PCDHA9: variants seen among roughly 807,000 people sequenced by gnomAD.
PCDHA9 encodes the protein protocadherin alpha 9.
In PCDHA9, 62 loss-of-function variants were observed where a neutral mutation model predicts 62.0. The observed-to-expected ratio is 1.00, with a 90% CI of 0.81 to 1.23. The LOEUF is 1.23. Among genes scored for constraint, PCDHA9 ranks in the 50% most tolerant of loss-of-function variants. The pLI is 0.00. For missense variants in PCDHA9, 1,205 were observed against 1,249.8 expected (o/e 0.96, Z 0.54); for synonymous variants, 557 against 567.6 (o/e 0.98, Z 0.27).
intron 1 of PCDHA9, chr5:140,876,199 G>C: frequency 6.2e-7 from 1 of 1,613,940 alleles, no homozygotes; most frequent in South Asian, 1.1e-5. Flanking sequence ...TCCGGCGTTT[G>C]ATAAGCCCAG....
intron 1 of PCDHA9, among the ~76,000 whole-genome samples, chr5:140,886,020 A>G (rs1402901328): frequency 2.0e-5 from 3 of 152,182 alleles, no homozygotes; most frequent in African/African-American, 7.2e-5. Flanking sequence ...GATGCTATGT[A>G]TTCTTCACTA....
chr5:140,980,562 G>A (rs944389305), intron 2 of PCDHA9, among the ~76,000 whole-genome samples: 2 of 152,048 alleles, frequency 1.3e-5, no homozygotes, highest in Non-Finnish European at 2.9e-5. Context: ...CCCGGGAGGC[G>A]GAAGTTGCAG....
chr5:140,890,283 A>G (rs1554184241), intron 1 of PCDHA9, among the ~76,000 whole-genome samples: 2 of 152,192 alleles, frequency 1.3e-5, no homozygotes, highest in Admixed American at 1.3e-4. Flanking sequence ...CACTCAGTTG[A>G]GTCAGAACCA....
In PCDHA9 at chr5:140,850,045, T is replaced by C. The variant is rs2150464931; in HGVS notation, c.1550T>C (p.Val517Ala). 3.1e-6 allele frequency: 5 copies of C among 1,596,208 alleles called. No homozygotes were observed. In the African/African-American group the frequency reaches 5.4e-5, roughly 17 times the overall value. The change falls in exon 1 of 4, where the codon GTG becomes GCG. Residue 517 changes from valine (V) to alanine (A), a missense_variant. Val to Ala is a moderately conservative substitution (Grantham distance 64). This residue lies in a region of PCDHA9 where 887 missense variants were observed against 809.5 expected (regional missense o/e 1.10). Coordinates refer to ENST00000532602, the MANE Select transcript of PCDHA9 (RefSeq NM_031857.2). Reference sequence around the variant, plus strand: ...TCAGTGCACGCGGAGAGCGGCAAGGTGTACGCGCTGCAGCCGTTGGACCAC... The same window carrying C: ...TCAGTGCACGCGGAGAGCGGCAAGGCGTACGCGCTGCAGCCGTTGGACCAC... ...YVSVHAESGKVYALQPLDHEE... is the reference protein window; with the variant it reads ...YVSVHAESGKAYALQPLDHEE...
intron 1 of PCDHA9, chr5:140,871,239 C>G: frequency 6.2e-7 from 1 of 1,613,976 alleles, no homozygotes; most frequent in Non-Finnish European, 8.5e-7. Context: ...TCCTGGTACT[C>G]ACGCTGCTGC....
chr5:140,852,890 T>G (rs1315995547), intron 1 of PCDHA9: 3 of 912,634 alleles, frequency 3.3e-6, no homozygotes, highest in East Asian at 2.3e-4. Context: ...AACGTATTTT[T>G]TTTTTTGAGT....
At chr5:141,009,034 C>T (rs183192515) in intron 3 of PCDHA9, among the ~76,000 whole-genome samples, 64 of 152,344 alleles carry the variant, frequency 4.2e-4, no homozygotes, top group African/African-American at 1.5e-3. Context: ...TTTCCCATCC[C>T]GTTCCCAGTC....
intron 1 of PCDHA9, among the ~76,000 whole-genome samples, chr5:140,958,679 A>G (rs1317780380): frequency 6.6e-6 from 1 of 152,200 alleles, no homozygotes; most frequent in Non-Finnish European, 1.5e-5. Context: ...ATTATAAAGG[A>G]TATTGAATAT....
At chr5:140,884,563 T>G in intron 1 of PCDHA9, 4 of 1,614,150 alleles carry the variant, frequency 2.5e-6, no homozygotes, top group Non-Finnish European at 3.4e-6. Context: ...AGGGCCCGCA[T>G]AAGACGGACC....
At chr5:140,968,355 G>A in intron 1 of PCDHA9, 1 of 1,614,080 alleles carries the variant, frequency 6.2e-7, no homozygotes, top group South Asian at 1.1e-5. Context: ...GCCAGTGGCA[G>A]CCTTTATGCT....
chr5:140,892,158 T>A (rs1442080527), intron 1 of PCDHA9, among the ~76,000 whole-genome samples: 2 of 152,242 alleles, frequency 1.3e-5, no homozygotes, highest in Non-Finnish European at 2.9e-5. Context: ...ATTTCTGATA[T>A]GTCCAGTAAC....
chr5:140,889,767 C>T (rs539294045), intron 1 of PCDHA9, among the ~76,000 whole-genome samples: 29 of 152,202 alleles, frequency 1.9e-4, no homozygotes, highest in African/African-American at 6.7e-4. Context: ...TGAACTTTGA[C>T]TGGTCTTAAT....
In PCDHA9 at chr5:140,965,644, G is replaced by C. The variant is rs201197561; in HGVS notation, c.2395-13305G>C. On this transcript the variant is annotated intron_variant, in intron 1 of 3. Transcript: ENST00000532602. Reference sequence around the variant, plus strand: ...AAAGAAAAAATTTTAAATTACTCTTGAAAGAAAATGTCTTGGGTGATAAAT... The same window carrying C: ...AAAGAAAAAATTTTAAATTACTCTTCAAAGAAAATGTCTTGGGTGATAAAT... Among the ~76,000 whole-genome samples, 13 of 152,146 alleles carry C rather than the reference G, an allele frequency of 8.5e-5. No individual in the cohort carries two copies. The East Asian group carries it at 2.5e-3, about 29-fold the overall frequency.
At chr5:140,967,489 A>G in intron 1 of PCDHA9, 4 of 1,613,456 alleles carry the variant, frequency 2.5e-6, no homozygotes, top group Non-Finnish European at 3.4e-6. Flanking sequence ...CGGGTACGGC[A>G]CAGATCTCTG....
intron 1 of PCDHA9, among the ~76,000 whole-genome samples, chr5:140,898,404 A>G (rs1170692741): frequency 1.3e-5 from 2 of 152,242 alleles, no homozygotes; most frequent in Non-Finnish European, 2.9e-5. Flanking sequence ...AGCTTTCTAC[A>G]TACGGCTAGC....
At chr5:140,982,592 C>G (rs376230429) in intron 3 of PCDHA9, 29 bp downstream of exon 3, 3 of 1,610,372 alleles carry the variant, frequency 1.9e-6, no homozygotes, top group Non-Finnish European at 2.5e-6. Flanking sequence ...TCCATTCTTT[C>G]TTGGTTTCTG....
intron 1 of PCDHA9, among the ~76,000 whole-genome samples, chr5:140,959,145 A>C (rs2095470775): frequency 6.6e-6 from 1 of 152,030 alleles, no homozygotes; most frequent in Non-Finnish European, 1.5e-5. Flanking sequence ...GGGAGGCCAA[A>C]GTGGGCAGAT....
At chr5:140,883,978 T>G in intron 1 of PCDHA9, 1 of 1,612,780 alleles carries the variant, frequency 6.2e-7, no homozygotes, top group Non-Finnish European at 8.5e-7. Flanking sequence ...CGCCCGGGGC[T>G]GGCAGCGCGG....
At chr5:140,947,769 A>G (rs2094173274) in intron 1 of PCDHA9, among the ~76,000 whole-genome samples, 1 of 151,626 alleles carries the variant, frequency 6.6e-6, no homozygotes, top group South Asian at 2.1e-4. Context: ...AAAAAATTCT[A>G]TTGTAAATGG....
Sources: allele counts gnomAD v4.1 joint callset (sites outside exome capture counted in the v4.1 genomes callset), GRCh38; gene constraint gnomAD v4.1.1; regional missense constraint gnomAD v4.1.1; transcripts MANE v1.5; gene names NCBI Gene and HGNC (gene_info 2026-07-23, HGNC 2026-07-21).